Variants in TCERG1 observed in about 807,000 individuals in gnomAD.
TCERG1 encodes the protein TATA box binding protein (TBP)-associated factor, RNA polymerase II, S, 150kD.
In TCERG1, 37 loss-of-function variants were observed where a neutral mutation model predicts 144.7. That is an observed-to-expected ratio of 0.26 (90% CI 0.20 to 0.34). The LOEUF is 0.34. Among genes scored for constraint, TCERG1 ranks in the 10% least tolerant of loss-of-function variants. The pLI, the probability that TCERG1 is intolerant of heterozygous loss-of-function variation, is 1.00. For missense variants in TCERG1, 1,027 were observed against 1,380.7 expected, an observed-to-expected ratio of 0.74 and a Z score of 4.06; for synonymous variants, 492 against 458.2, an observed-to-expected ratio of 1.07 and a Z score of -0.94.
intron 1 of TCERG1, 130 bp downstream of exon 1, chr5:146,447,538 G>C (rs1173925371): frequency 8.1e-7 from 1 of 1,234,494 alleles, no homozygotes. Context: ...GGGACCGCAT[G>C]GGGTTTAAGA....
intron 17 of TCERG1, among the ~76,000 whole-genome samples, chr5:146,501,504 A>T (rs572182685): frequency 6.6e-6 from 1 of 152,338 alleles, no homozygotes; most frequent in South Asian, 2.1e-4. Context: ...AATATATGAA[A>T]ATTGTTTTAA....
intron 16 of TCERG1, among the ~76,000 whole-genome samples, chr5:146,495,921 G>A (rs373246841): frequency 3.3e-5 from 5 of 152,122 alleles, no homozygotes; most frequent in East Asian, 3.9e-4. Context: ...TTGGGAGGCC[G>A]AGGCAGGTGG....
At chr5:146,447,806 C>G (rs936113080) in intron 1 of TCERG1, among the ~76,000 whole-genome samples, 1 of 152,276 alleles carries the variant, frequency 6.6e-6, no homozygotes, top group Non-Finnish European at 1.5e-5. Flanking sequence ...TCTCTGCACT[C>G]CGCAGTTACT....
Position 146,504,054 on chromosome 5 carries a change from A to C in TCERG1, c.2781+48A>C, listed in dbSNP as rs58349726. On this transcript the variant is annotated intron_variant, in intron 19 of 22. Coordinates refer to ENST00000679501, the MANE Select transcript of TCERG1 (RefSeq NM_001382548.1). ...TTTTCTCTAAAGTACTGGATATTGG[A>C]AATTTATTATGTTACTGTTATGAAT... 664 of 1,386,228 alleles carry C rather than the reference A, an allele frequency of 4.8e-4. 1 individual carries two copies. The African/African-American group carries it at 8.5e-3, about 18-fold the overall frequency. 85.9% of individuals were successfully genotyped at this position (1,386,228 alleles called of 1,614,324 possible). A position where few individuals can be genotyped will look rare whatever the true frequency, so the allele number is the denominator to read the frequency against.
At chr5:146,508,833 G>A (rs943468887) in intron 21 of TCERG1, among the ~76,000 whole-genome samples, 3 of 152,158 alleles carry the variant, frequency 2.0e-5, no homozygotes, top group Non-Finnish European at 4.4e-5. Context: ...TCCACCTCAT[G>A]AGGTTGTTGT....
rs1561635828 is a variant in TCERG1, at chr5:146,457,271, C to G, written c.374C>G (p.Pro125Arg). Reference protein sequence around the residue: ...FPPGMPPVTAPGTPALPPTEE... With the variant: ...FPPGMPPVTARGTPALPPTEE... ...CCAGGAATGCCTCCTGTGACTGCTC[C>G]TGGTACTCCAGCACTACCTCCTACG... Residue 125 changes from proline (P) to arginine (R), a missense_variant, in exon 3 of 23, where the codon CCT (proline) becomes CGT (arginine). Transcript: ENST00000679501. 1 of 1,614,128 alleles carries G rather than the reference C, an allele frequency of 6.2e-7. No individual in the cohort carries two copies. Among genetic ancestry groups the G allele is most frequent in the Non-Finnish European group, 8.5e-7 (1 of 1,179,974 alleles).
intron 5 of TCERG1, among the ~76,000 whole-genome samples, chr5:146,466,332 G>A (rs7702433): frequency 0.57 from 86,311 of 151,956 alleles, 25,420 homozygotes; most frequent in Middle Eastern, 0.64. Flanking sequence ...TGGGTCTAAT[G>A]AGGATGATTG....
At position 146,509,928 on chromosome 5, in the gene TCERG1, C is replaced by T. The variant is rs556816817; in HGVS notation, c.3147-513C>T. ...AACATCTTAATAAAGGGTATGTGCA[C>T]GGGAGGCTAGATAGTGCTGAGGGTG... On this transcript the variant is annotated intron_variant, in intron 22 of 22. Coordinates refer to ENST00000679501, the MANE Select transcript of TCERG1 (RefSeq NM_001382548.1). The T allele has an allele frequency of 2.9e-5, 16 of 547,684 alleles. No individual in the cohort carries two copies. The Admixed American group carries it at 4.0e-4, about 14-fold the overall frequency. The allele number at this position is 547,684 out of a possible 1,614,324, so 33.9% of individuals were successfully genotyped here.
chr5:146,482,598 C>T lies in TCERG1; in HGVS notation c.1944C>T (p.Asp648=), dbSNP rs775978058. 7.6e-5 allele frequency: 123 copies of T among 1,608,226 alleles called. No homozygotes were observed. The highest frequency in any genetic ancestry group is 1.7e-4 in the Middle Eastern group (1 of 6,056). The change falls in exon 14 of 23, where the codon GAC becomes GAT. Residue 648 remains aspartate, a synonymous_variant. Coordinates refer to ENST00000679501, the MANE Select transcript of TCERG1 (RefSeq NM_001382548.1). ...TATATTTTATTTTTTATAGGAGAGA[C>T]GATAATAAAGACATTGACTCAGAGA... ...WIARASLFRR[D]DNKDIDSEKE... is the part of the protein sequence containing the mutation.
chr5:146,482,476 G>C, intron 13 of TCERG1, 116 bp from the exon 14 acceptor site: 1 of 1,013,344 alleles, frequency 9.9e-7, no homozygotes, highest in Non-Finnish European at 1.4e-6. Context: ...ATTTGTTTTT[G>C]CCAAAAATAT....
chr5:146,457,466 C>G, intron 3 of TCERG1, 131 bp downstream of exon 3: 1 of 886,390 alleles, frequency 1.1e-6, no homozygotes, highest in South Asian at 2.0e-5. Context: ...TGGGGTAAGA[C>G]TTCAGGAGAA....
chr5:146,504,161 G>A (rs548682982), intron 19 of TCERG1, 155 bp downstream of exon 19: 25 of 739,994 alleles, frequency 3.4e-5, no homozygotes, highest in Non-Finnish European at 4.4e-5. Context: ...TATTAGTACT[G>A]TTAGTATAGG....
chr5:146,465,181 A>G (rs1343069136), intron 5 of TCERG1, among the ~76,000 whole-genome samples: 1 of 152,194 alleles, frequency 6.6e-6, no homozygotes, highest in Non-Finnish European at 1.5e-5. Context: ...ATAGCCTGAT[A>G]TTTGTCACAA....
chr5:146,455,349 T>C, intron 2 of TCERG1, 68 bp downstream of exon 2: 1 of 1,536,908 alleles, frequency 6.5e-7, no homozygotes. Context: ...GGTTTTGAGT[T>C]AAAAACTTAC....
intron 17 of TCERG1, 31 bp from the exon 18 acceptor site, chr5:146,503,344 C>A: frequency 6.3e-7 from 1 of 1,595,680 alleles, no homozygotes; most frequent in South Asian, 1.1e-5. Context: ...ATTATTTTCC[C>A]TCCCATCCCA....
In TCERG1 at chr5:146,471,550, T is replaced by G. The variant is rs765022393; in HGVS notation, c.1575T>G (p.Ala525=). 1 of 1,613,740 alleles carries G rather than the reference T, an allele frequency of 6.2e-7. No individual in the cohort carries two copies. Among genetic ancestry groups the G allele is most frequent in the Non-Finnish European group, 8.5e-7 (1 of 1,179,838 alleles). ...EKAAQKAKPV[A]TAPIPGTPWC... ...CTGCCCAGAAGGCAAAGCCAGTTGC[T>G]ACTGCTCCTATTCCTGGTACTCCAT... The change falls in exon 9 of 23, where the codon GCT becomes GCG. Residue 525 remains alanine, a synonymous_variant. Transcript: ENST00000679501.
chr5:146,508,360 G>A (rs1421086802), intron 21 of TCERG1, among the ~76,000 whole-genome samples: 2 of 152,142 alleles, frequency 1.3e-5, no homozygotes, highest in African/African-American at 4.8e-5. Context: ...CTGAAACAGT[G>A]AATGATGTCA....
intron 16 of TCERG1, among the ~76,000 whole-genome samples, chr5:146,493,617 CTG>C (rs944803113): frequency 1.3e-5 from 2 of 152,012 alleles, no homozygotes; most frequent in African/African-American, 4.8e-5. Context: ...GTAAACATGA[CTG>C]AAAGCATATA....
chr5:146,463,317 T>C (rs1763499062), intron 4 of TCERG1, among the ~76,000 whole-genome samples: 1 of 152,206 alleles, frequency 6.6e-6, no homozygotes, highest in Non-Finnish European at 1.5e-5. Flanking sequence ...TTAGAAATGT[T>C]CTTTGGGTCT....
Sources: gnomAD v4.1 joint callset for allele counts (sites outside exome capture counted in the v4.1 genomes callset) on GRCh38, gnomAD v4.1.1 for gene constraint, MANE v1.5 for transcripts, NCBI Gene and HGNC (gene_info 2026-07-23, HGNC 2026-07-21) for gene names.